Variants in RAB37 observed in about 807,000 individuals in gnomAD.
RAB37 encodes the protein ras-related protein Rab-37.
In RAB37, 29 loss-of-function variants were observed where a neutral mutation model predicts 33.1. The observed-to-expected ratio is 0.88, with a 90% CI of 0.65 to 1.20. The LOEUF (loss-of-function observed/expected upper bound fraction) is 1.20, where lower values mean the gene tolerates loss of function less well. Ranked by LOEUF, RAB37 falls within the 50% of genes most tolerant of loss-of-function variation. The pLI is 0.00. For missense variants in RAB37, 299 were observed against 301.1 expected (o/e 0.99, Z 0.05); for synonymous variants, 128 against 119.5 (o/e 1.07, Z -0.47).
In RAB37 at chr17:74,744,318, C is replaced by T. The variant is rs200513132; in HGVS notation, c.377C>T (p.Thr126Ile). 1 of 1,613,848 alleles carries T rather than the reference C, an allele frequency of 6.2e-7. No homozygotes were observed. The highest frequency in any genetic ancestry group is 8.5e-7 in the Non-Finnish European group (1 of 1,179,856). Residue 126 changes from threonine to isoleucine, a missense_variant, in exon 6 of 9, where the codon ACT becomes ATT. Transcript: ENST00000392613. This position sits in a 1 kb window ranked among gnomAD's most constrained non-coding sequence, Gnocchi z 4.2. Reference protein sequence around the residue: ...SSFDNIRAWLTEIHEYAQRDV... With the variant: ...SSFDNIRAWLIEIHEYAQRDV... The stretch of plus-strand genomic sequence containing the variant: ...CGCCCTCTCCCACAGGCCTGGCTCA[C>T]TGAGATTCATGAGTATGCCCAGAGG...
upstream of RAB37, among the ~76,000 whole-genome samples, chr17:74,736,203 A>T (rs1331651950): frequency 6.8e-6 from 1 of 146,818 alleles, no homozygotes; most frequent in Non-Finnish European, 1.5e-5. Context: ...ACAGAGTGAG[A>T]CTCTGTCTGA....
rs1418894941 is a variant in RAB37, at chr17:74,729,001, T to TA, written c.73-254dup. 5.3e-5 allele frequency among the ~76,000 whole-genome samples: 8 copies of TA among 152,024 alleles called. No individual in the cohort carries two copies. Among genetic ancestry groups the TA allele is most frequent in the African/African-American group, 1.7e-4 (7 of 41,360 alleles). ...ACGTGTATGTGTGTGCTTCTGTGTG[T>TA]ATGTTTCTGTGTGTATGTGTGTTCT... is the stretch of plus-strand genomic sequence containing the variant. On this transcript the variant is annotated intron_variant, in intron 1 of 7. Coordinates refer to the RAB37 transcript ENST00000340415. This position sits in a 1 kb window ranked among gnomAD's most constrained non-coding sequence, Gnocchi z 4.2.
chr17:74,745,120 A>C lies in RAB37; in HGVS notation c.566+36A>C. On this transcript the variant is annotated intron_variant, in intron 8 of 8. Transcript: ENST00000392613. This position sits in a 1 kb window ranked among gnomAD's most constrained non-coding sequence, Gnocchi z 4.5. ...GGCAGGGAAGGGAAGTGTGCGGGGC[A>C]GGGCGGCACACTCCAGGAATCCAGT... The C allele has an allele frequency of 6.2e-7, 1 of 1,606,114 alleles. No homozygotes were observed. The highest frequency in any genetic ancestry group is 8.5e-7 in the Non-Finnish European group (1 of 1,173,190).
At chr17:74,679,066 G>A (rs1021938075) in intron 1 of RAB37, among the ~76,000 whole-genome samples, 13 of 149,736 alleles carry the variant, frequency 8.7e-5, no homozygotes, top group East Asian at 2.0e-4. Flanking sequence ...AGCCGAGATC[G>A]CACCACTGCA....
chr17:74,733,413 T>TGAG (rs2034416679), upstream of RAB37, among the ~76,000 whole-genome samples: 1 of 7,928 alleles, frequency 1.3e-4, no homozygotes. Context: ...TGTGTATATT[T>TGAG]GTGGTGTGAT....
At chr17:74,678,682 G>GACACAC (rs148139871) in intron 1 of RAB37, among the ~76,000 whole-genome samples, 2 of 147,926 alleles carry the variant, frequency 1.4e-5, no homozygotes, top group South Asian at 2.1e-4. Flanking sequence ...CAGACACACA[G>GACACAC]ACACACACAC....
At chr17:74,713,605 C>A (rs8073748) in intron 1 of RAB37, among the ~76,000 whole-genome samples, 1 of 151,912 alleles carries the variant, frequency 6.6e-6, no homozygotes, top group Non-Finnish European at 1.5e-5. Context: ...CTGATAGACA[C>A]GATGTCCTAA....
intron 1 of RAB37, among the ~76,000 whole-genome samples, chr17:74,716,109 G>C (rs565568741): frequency 6.6e-6 from 1 of 152,274 alleles, no homozygotes; most frequent in African/African-American, 2.4e-5. Context: ...GGGAATACAG[G>C]GGAATCGGCT....
rs776803312 is a variant in RAB37 at position 74,737,306 on chromosome 17, G to C, written c.34G>C (p.Asp12His). Residue 12 changes from aspartate to histidine, a missense_variant, in exon 1 of 9, where the codon GAT (aspartate) becomes CAT (histidine). Physicochemically the swap from Asp to His is moderately conservative, Grantham distance 81 (BLOSUM62 -1). Transcript: ENST00000392613. Reference sequence around the variant, plus strand: ...CACGCCAGGCGCCGTTGCCACCCGGGATGGCGAGGCCCCCGAGCGCTCCCC... The same window carrying C: ...CACGCCAGGCGCCGTTGCCACCCGGCATGGCGAGGCCCCCGAGCGCTCCCC... ...TGTPGAVATR[D>H]GEAPERSPPC... is the part of the protein sequence containing the mutation. 1 of 1,577,230 alleles carries C rather than the reference G, an allele frequency of 6.3e-7. No homozygotes were observed.
At chr17:74,697,492 A>G (rs1296073031) in intron 1 of RAB37, among the ~76,000 whole-genome samples, 2 of 152,228 alleles carry the variant, frequency 1.3e-5, no homozygotes, top group Admixed American at 6.5e-5. Flanking sequence ...TTGAAAAAGC[A>G]TCACAGAAAA....
chr17:74,737,643 G>A (rs1024479145), intron 1 of RAB37, among the ~76,000 whole-genome samples: 3 of 152,178 alleles, frequency 2.0e-5, no homozygotes, highest in African/African-American at 7.2e-5. Context: ...GAGCCCCCGG[G>A]AGCCCATGCT....
rs77489793 is a variant in RAB37 at position 74,738,546 on chromosome 17, G to T, written c.93+1181G>T. On this transcript the variant is annotated intron_variant, in intron 1 of 8. Coordinates refer to ENST00000392613, the MANE Select transcript of RAB37 (RefSeq NM_001006638.3). The surrounding 1 kb of genome is among the most constrained non-coding windows in gnomAD (Gnocchi z 5.0). ...GCTGTTTGTGTTTGGTGGAATCACC[G>T]AGCTGGGTGGGTAGCTGGCATCGTT... Among the ~76,000 whole-genome samples, 7 of 152,150 alleles carry T rather than the reference G, an allele frequency of 4.6e-5. No individual in the cohort carries two copies. Among genetic ancestry groups the T allele is most frequent in the African/African-American group, 1.7e-4 (7 of 41,434 alleles).
In RAB37 at chr17:74,729,091, T is replaced by C. The variant is rs892035512; in HGVS notation, c.73-165T>C. 1.6e-4 allele frequency among the ~76,000 whole-genome samples: 25 copies of C among 152,124 alleles called. No homozygotes were observed. The highest frequency in any genetic ancestry group is 5.3e-4 in the African/African-American group (22 of 41,414). ...GTATGTGTGTACATGTTTTTCTATG[T>C]CTGTATGTGTGTGTCAGTGTCTTGT... On this transcript the variant is annotated intron_variant, in intron 1 of 7. Transcript: ENST00000340415. The surrounding 1 kb of genome is among the most constrained non-coding windows in gnomAD (Gnocchi z 4.2).
intron 1 of RAB37, among the ~76,000 whole-genome samples, chr17:74,684,854 GAGAT>G (rs59094915): frequency 0.29 from 43,116 of 148,934 alleles, 6,725 homozygotes; most frequent in Non-Finnish European, 0.35. Context: ...ACATATGTGT[GAGAT>G]AGATAGATAG....
intron 1 of RAB37, among the ~76,000 whole-genome samples, chr17:74,682,899 C>G (rs553749118): frequency 6.6e-6 from 1 of 151,714 alleles, no homozygotes; most frequent in Non-Finnish European, 1.5e-5. Context: ...AGCGAAACTC[C>G]GTCTCAAAAA....
chr17:74,673,733 C>A (rs2031758511), intron 1 of RAB37, among the ~76,000 whole-genome samples: 1 of 152,100 alleles, frequency 6.6e-6, no homozygotes, highest in Non-Finnish European at 1.5e-5. Flanking sequence ...AGGCAAGTAT[C>A]TATTTACTAC....
chr17:74,724,254 C>T (rs114505891), intron 1 of RAB37, among the ~76,000 whole-genome samples: 2 of 152,202 alleles, frequency 1.3e-5, no homozygotes, highest in Non-Finnish European at 2.9e-5. Flanking sequence ...TCTGGAAAGG[C>T]GGGACAACTC....
chr17:74,721,005 G>T (rs762160534), intron 1 of RAB37, among the ~76,000 whole-genome samples: 17 of 152,132 alleles, frequency 1.1e-4, no homozygotes, highest in Admixed American at 1.0e-3. Context: ...GTGTCTATCC[G>T]TATGCTCCGA....
Position 74,744,211 on chromosome 17 carries a change from T to G in RAB37, c.367-97T>G. On this transcript the variant is annotated intron_variant, in intron 5 of 8. Transcript: ENST00000392613. The surrounding 1 kb of genome is among the most constrained non-coding windows in gnomAD (Gnocchi z 4.2). ...TGAGAGAACGCACAGGGTATCGTGT[T>G]CAAGGTAGTGAGTAACTGAGGATAG... 1 of 1,187,536 alleles carries G rather than the reference T, an allele frequency of 8.4e-7. No individual in the cohort carries two copies. The highest frequency in any genetic ancestry group is 1.2e-6 in the Non-Finnish European group (1 of 821,812). The allele number at this position is 1,187,536 out of a possible 1,614,324, so 73.6% of individuals were successfully genotyped here.
Sources: gnomAD v4.1 joint callset for allele counts (sites outside exome capture counted in the v4.1 genomes callset) on GRCh38, gnomAD v4.1.1 for gene constraint, Gnocchi (gnomAD v3.1) non-coding constraint, MANE v1.5 for transcripts, NCBI Gene and HGNC (gene_info 2026-07-23, HGNC 2026-07-21) for gene names.